Variants in CAMK1D observed in about 807,000 individuals in gnomAD.
CAMK1D encodes the protein calcium/calmodulin dependent protein kinase ID.
In CAMK1D, 9 loss-of-function variants were observed where a neutral mutation model predicts 47.7. The ratio of observed to expected loss-of-function variants is 0.19; its 90% confidence interval spans 0.11 to 0.33. The LOEUF is 0.33. Ranked by LOEUF, CAMK1D falls within the 10% of genes least tolerant of loss-of-function variation. The pLI is 1.00. For missense variants in CAMK1D, 291 were observed against 488.7 expected (o/e 0.60, Z 3.81); for synonymous variants, 184 against 184.9 (o/e 0.99, Z 0.04).
intron 3 of CAMK1D, among the ~76,000 whole-genome samples, chr10:12,720,353 T>G (rs1004785504): frequency 2.6e-5 from 4 of 152,222 alleles, no homozygotes; most frequent in African/African-American, 9.7e-5. Context: ...ATGTGCCTCT[T>G]GGTCTTAGGC....
chr10:12,576,927 C>T (rs1430603192), intron 2 of CAMK1D, among the ~76,000 whole-genome samples: 13 of 152,276 alleles, frequency 8.5e-5, no homozygotes, highest in Non-Finnish European at 4.4e-5. Flanking sequence ...GAGTGTCTGG[C>T]AGAAAAGGAA....
chr10:12,817,455 C>T (rs537157628), intron 8 of CAMK1D, among the ~76,000 whole-genome samples: 14 of 152,280 alleles, frequency 9.2e-5, no homozygotes, highest in African/African-American at 3.4e-4. Flanking sequence ...CAGCAGTGGG[C>T]GTGAGGCTAC....
rs564310992 is a variant in CAMK1D, at chr10:12,563,363, A to AT, written c.224+10007_224+10008insT. Among the ~76,000 whole-genome samples the AT allele has an allele frequency of 1.4e-4, 20 of 146,144 alleles. No homozygotes were observed. In the East Asian group the frequency reaches 3.8e-3, roughly 28 times the overall value. On this transcript the variant is annotated intron_variant, in intron 2 of 10. Coordinates refer to ENST00000619168, the MANE Select transcript of CAMK1D (RefSeq NM_153498.4). The stretch of plus-strand genomic sequence containing the variant: ...AGTGAGACTCTGTCTCTAAAAAAAA[A>AT]GGGAAGAAGAACAAATTGATTCTTC...
At chr10:12,409,002 G>A (rs1238077258) in intron 1 of CAMK1D, among the ~76,000 whole-genome samples, 2 of 151,784 alleles carry the variant, frequency 1.3e-5, no homozygotes, top group Non-Finnish European at 1.5e-5. Flanking sequence ...GACTACAGGC[G>A]TGCACCACCA....
intron 1 of CAMK1D, among the ~76,000 whole-genome samples, chr10:12,404,367 A>G (rs533753366): frequency 7.9e-5 from 12 of 152,334 alleles, no homozygotes; most frequent in African/African-American, 2.9e-4. Flanking sequence ...TTCTAAAAGC[A>G]AGAAATTGAG....
At chr10:12,761,157 T>C in intron 4 of CAMK1D, 71 bp downstream of exon 4, 1 of 1,553,468 alleles carries the variant, frequency 6.4e-7, no homozygotes, top group Admixed American at 1.8e-5. Context: ...AGAGGGCTGA[T>C]GCCAGTGGGG....
chr10:12,516,890 T>C (rs144474999), intron 1 of CAMK1D, among the ~76,000 whole-genome samples: 89 of 152,344 alleles, frequency 5.8e-4, no homozygotes, highest in African/African-American at 2.1e-3. Flanking sequence ...TCCATATAAA[T>C]GTTAAGACTA....
At chr10:12,540,408 A>T (rs1174834102) in intron 1 of CAMK1D, among the ~76,000 whole-genome samples, 1 of 152,232 alleles carries the variant, frequency 6.6e-6, no homozygotes, top group Non-Finnish European at 1.5e-5. Context: ...GAAAGGAAGG[A>T]GTGCTATTAA....
chr10:12,359,837 G>A (rs929424547), intron 1 of CAMK1D, among the ~76,000 whole-genome samples: 1 of 152,140 alleles, frequency 6.6e-6, no homozygotes, highest in Admixed American at 6.5e-5. Flanking sequence ...ATTTAAAAAT[G>A]GCAGCATGCA....
intron 2 of CAMK1D, among the ~76,000 whole-genome samples, chr10:12,585,464 T>C (rs1445310586): frequency 6.6e-6 from 1 of 152,216 alleles, no homozygotes; most frequent in Non-Finnish European, 1.5e-5. Flanking sequence ...TTTGTCCGTT[T>C]TCACGCTGCT....
intron 1 of CAMK1D, among the ~76,000 whole-genome samples, chr10:12,479,724 G>A (rs1834007798): frequency 6.6e-6 from 1 of 152,224 alleles, no homozygotes; most frequent in Non-Finnish European, 1.5e-5. Context: ...GGAGGCACGG[G>A]TAGGTTCAGG....
Position 12,422,628 on chromosome 10 carries a change from T to C in CAMK1D, c.92+72718T>C, listed in dbSNP as rs148606131. On this transcript the variant is annotated intron_variant, in intron 1 of 10. Coordinates refer to ENST00000619168, the MANE Select transcript of CAMK1D (RefSeq NM_153498.4). The stretch of plus-strand genomic sequence containing the variant: ...CAGGATTTGGGCTTATGGAAGTGTT[T>C]GAGAGTCTGAGCTCTCTTTGGGAAA... 4.1e-4 allele frequency among the ~76,000 whole-genome samples: 63 copies of C among 152,270 alleles called. 1 individual carries two copies. In the East Asian group the frequency reaches 7.7e-3, roughly 19 times the overall value.
chr10:12,513,015 C>T (rs1234875899), intron 1 of CAMK1D, among the ~76,000 whole-genome samples: 2 of 152,156 alleles, frequency 1.3e-5, no homozygotes, highest in Non-Finnish European at 2.9e-5. Flanking sequence ...CTTTCCCTCA[C>T]GAGCAGGAGA....
chr10:12,366,076 C>T (rs1430664618), intron 1 of CAMK1D, among the ~76,000 whole-genome samples: 1 of 152,144 alleles, frequency 6.6e-6, no homozygotes, highest in Non-Finnish European at 1.5e-5. Flanking sequence ...GTTTCCTTCT[C>T]CTCAGTGTCA....
intron 3 of CAMK1D, among the ~76,000 whole-genome samples, chr10:12,689,593 G>A (rs1395044810): frequency 2.6e-5 from 4 of 151,970 alleles, no homozygotes; most frequent in East Asian, 1.9e-4. Flanking sequence ...CCTGACCAAC[G>A]TGGTGAAACC....
intron 3 of CAMK1D, among the ~76,000 whole-genome samples, chr10:12,737,175 G>A (rs940020794): frequency 6.6e-6 from 1 of 151,882 alleles, no homozygotes; most frequent in African/African-American, 2.4e-5. Flanking sequence ...TACTGCCTCT[G>A]ACCTCTCACC....
chr10:12,421,039 G>A (rs1415283098), intron 1 of CAMK1D, among the ~76,000 whole-genome samples: 1 of 152,150 alleles, frequency 6.6e-6, no homozygotes, highest in East Asian at 1.9e-4. Flanking sequence ...CTTGCAGGCT[G>A]TATCATATAA....
At chr10:12,738,598 T>C (rs942075980) in intron 3 of CAMK1D, among the ~76,000 whole-genome samples, 1 of 151,752 alleles carries the variant, frequency 6.6e-6, no homozygotes, top group African/African-American at 2.4e-5. Flanking sequence ...TTTGGGAGGC[T>C]GAGGCGGGCG....
chr10:12,549,019 C>A (rs1264592309), intron 1 of CAMK1D, among the ~76,000 whole-genome samples: 18 of 152,132 alleles, frequency 1.2e-4, no homozygotes, highest in Non-Finnish European at 5.9e-5. Context: ...CCACACGCTG[C>A]TAATTTTTAT....
Sources: gnomAD v4.1 joint callset for allele counts (sites outside exome capture counted in the v4.1 genomes callset) on GRCh38, gnomAD v4.1.1 for gene constraint, MANE v1.5 for transcripts, NCBI Gene and HGNC (gene_info 2026-07-23, HGNC 2026-07-21) for gene names.